Variants in GRID1 observed in about 807,000 individuals in gnomAD.
GRID1 encodes glutamate receptor ionotropic, delta-1.
GRID1 carries 28 observed loss-of-function variants against 98.0 expected under a neutral mutation model. The ratio of observed to expected loss-of-function variants is 0.29; its 90% confidence interval spans 0.21 to 0.39. GRID1 has a LOEUF of 0.39. Ranked by LOEUF, GRID1 falls within the 10% of genes least tolerant of loss-of-function variation. The probability of loss-of-function intolerance (pLI) is 1.00; values close to 1 mark genes in which losing one functional copy is unlikely to be tolerated. For synonymous variants in GRID1, 553 were observed against 538.5 expected (o/e 1.03, Z -0.37); for missense variants, 1,111 against 1,340.5 (o/e 0.83, Z 2.67).
At chr10:85,839,384 T>C (rs1234362753) in intron 8 of GRID1, among the ~76,000 whole-genome samples, 4 of 152,136 alleles carry the variant, frequency 2.6e-5, no homozygotes, top group Non-Finnish European at 5.9e-5. Context: ...GATCACATAA[T>C]CCAAAGTAAA....
At chr10:85,988,981 G>C (rs149361391) in intron 4 of GRID1, among the ~76,000 whole-genome samples, 1 of 152,320 alleles carries the variant, frequency 6.6e-6, no homozygotes, top group African/African-American at 2.4e-5. Flanking sequence ...CAGGGAGCAG[G>C]AGGAAAATGT....
At chr10:86,114,896 A>G (rs1014778591) in intron 4 of GRID1, among the ~76,000 whole-genome samples, 3 of 152,176 alleles carry the variant, frequency 2.0e-5, no homozygotes, top group African/African-American at 7.2e-5. Flanking sequence ...CAGTACAGGT[A>G]CTCTCACAGG....
At chr10:86,294,328 A>G (rs1346287638) in intron 2 of GRID1, among the ~76,000 whole-genome samples, 1 of 152,212 alleles carries the variant, frequency 6.6e-6, no homozygotes, top group African/African-American at 2.4e-5. Context: ...CTTTTCCTCT[A>G]GCGAGATGGG....
chr10:85,735,607 ATCCTTTGGAAGATTGGGCT>A (rs1841871044), intron 8 of GRID1, among the ~76,000 whole-genome samples: 1 of 152,166 alleles, frequency 6.6e-6, no homozygotes, highest in Admixed American at 6.5e-5. Context: ...TGGGACAGGC[ATCCTTTGGAAGATTGGGCT>A]TTGTGTTCTG....
At chr10:86,353,830 A>G (rs971081055) in intron 2 of GRID1, among the ~76,000 whole-genome samples, 1 of 152,234 alleles carries the variant, frequency 6.6e-6, no homozygotes, top group Non-Finnish European at 1.5e-5. Flanking sequence ...CAGGAGGACC[A>G]GCATTGGATG....
At chr10:86,007,802 TTTTTTTG>T (rs376300704) in intron 4 of GRID1, among the ~76,000 whole-genome samples, 3 of 150,306 alleles carry the variant, frequency 2.0e-5, no homozygotes, top group Non-Finnish European at 2.9e-5. Flanking sequence ...TCAGTTTTGT[TTTTTTTG>T]TTTTTTGTGT....
intron 12 of GRID1, among the ~76,000 whole-genome samples, chr10:85,716,997 C>T (rs1841647286): frequency 6.6e-6 from 1 of 151,898 alleles, no homozygotes; most frequent in Admixed American, 6.6e-5. Context: ...TCAAAGAGTA[C>T]AGAATTTCAG....
Position 86,085,054 on chromosome 10 carries a change from T to A in GRID1, c.726+53765A>T, listed in dbSNP as rs548590414. Among the ~76,000 whole-genome samples the A allele has an allele frequency of 9.8e-5, 15 of 152,356 alleles. No individual in the cohort carries two copies. The South Asian group carries it at 2.9e-3, about 29-fold the overall frequency. On this transcript the variant is annotated intron_variant, in intron 4 of 15. Transcript: ENST00000327946. ...ATTTTACCAATACGCATGCAATGTATATTTAAACAAATAAAGAAAGAAGAG... is the reference window on the plus strand; with the variant it reads ...ATTTTACCAATACGCATGCAATGTAAATTTAAACAAATAAAGAAAGAAGAG...
rs1248424749 is a variant in GRID1 at position 85,662,550 on chromosome 10, C to T, written c.1998-15153G>A. Among the ~76,000 whole-genome samples, 3 of 152,332 alleles carry T rather than the reference C, an allele frequency of 2.0e-5. No homozygotes were observed. The East Asian group carries it at 5.8e-4, about 30-fold the overall frequency. Reference sequence around the variant, plus strand: ...CCCCAGCTCCCTCCGTAATACTCCTCCCCACCCACAAGGCCAATGCCAACC... The same window carrying T: ...CCCCAGCTCCCTCCGTAATACTCCTTCCCACCCACAAGGCCAATGCCAACC... On this transcript the variant is annotated intron_variant, in intron 12 of 15. Coordinates refer to ENST00000327946, the MANE Select transcript of GRID1 (RefSeq NM_017551.3).
intron 3 of GRID1, among the ~76,000 whole-genome samples, chr10:86,152,953 G>C (rs1845190625): frequency 6.6e-6 from 1 of 152,200 alleles, no homozygotes; most frequent in Non-Finnish European, 1.5e-5. Flanking sequence ...ATTTACTCGG[G>C]TTTAATTTGT....
chr10:85,654,065 A>G (rs1217026516), intron 12 of GRID1, among the ~76,000 whole-genome samples: 2 of 152,186 alleles, frequency 1.3e-5, no homozygotes, highest in Non-Finnish European at 2.9e-5. Context: ...GTATGAGGAC[A>G]CTTAGTGACC....
At chr10:85,755,779 C>T (rs968641766) in intron 8 of GRID1, among the ~76,000 whole-genome samples, 6 of 152,106 alleles carry the variant, frequency 3.9e-5, no homozygotes, top group Non-Finnish European at 8.8e-5. Context: ...TCCTGGTGAC[C>T]TAGATGGAAA....
At chr10:86,360,721 C>A (rs1413247558) in intron 2 of GRID1, among the ~76,000 whole-genome samples, 3 of 152,238 alleles carry the variant, frequency 2.0e-5, no homozygotes, top group Admixed American at 2.0e-4. Flanking sequence ...CATGTCTCAT[C>A]TCATTTAATC....
intron 4 of GRID1, among the ~76,000 whole-genome samples, chr10:85,991,336 C>A (rs1038278390): frequency 1.3e-5 from 2 of 152,102 alleles, no homozygotes; most frequent in African/African-American, 4.8e-5. Flanking sequence ...GTAGAGAATT[C>A]TTTTTGGGAT....
intron 6 of GRID1, among the ~76,000 whole-genome samples, chr10:85,862,625 G>T (rs973813205): frequency 3.3e-5 from 5 of 152,210 alleles, no homozygotes; most frequent in Non-Finnish European, 7.3e-5. Flanking sequence ...GTGAGCTCTT[G>T]TTGGGGGCTT....
chr10:85,667,609 G>T (rs1233184265), intron 12 of GRID1, among the ~76,000 whole-genome samples: 1 of 152,188 alleles, frequency 6.6e-6, no homozygotes, highest in Non-Finnish European at 1.5e-5. Context: ...AGCACAGGCT[G>T]TCTGGCTCCT....
chr10:86,195,420 A>C lies in GRID1; in HGVS notation c.520+10944T>G, dbSNP rs1441620053. ...TAGCATGACCACAGCCGTCCTTGGCACCTCTTGATTTTCTAATGCAGTTGC... is the reference window on the plus strand; with the variant it reads ...TAGCATGACCACAGCCGTCCTTGGCCCCTCTTGATTTTCTAATGCAGTTGC... On this transcript the variant is annotated intron_variant, in intron 3 of 15. Transcript: ENST00000327946. The surrounding 1 kb of genome is among the most constrained non-coding windows in gnomAD (Gnocchi z 4.4). 6.6e-6 allele frequency among the ~76,000 whole-genome samples: 1 copy of C among 151,970 alleles called. No homozygotes were observed. Among genetic ancestry groups the C allele is most frequent in the Non-Finnish European group, 1.5e-5 (1 of 67,916 alleles).
At chr10:86,125,181 C>T (rs1844734667) in intron 4 of GRID1, among the ~76,000 whole-genome samples, 1 of 152,254 alleles carries the variant, frequency 6.6e-6, no homozygotes, top group South Asian at 2.1e-4. Context: ...AGCACCATGG[C>T]TTCCACGTGA....
chr10:85,891,581 A>G (rs1332707006), intron 5 of GRID1, among the ~76,000 whole-genome samples: 1 of 152,208 alleles, frequency 6.6e-6, no homozygotes, highest in Non-Finnish European at 1.5e-5. Context: ...AACTAGACAT[A>G]CATAACTAAA....
Sources: gnomAD v4.1 joint callset for allele counts (sites outside exome capture counted in the v4.1 genomes callset) on GRCh38, gnomAD v4.1.1 for gene constraint, Gnocchi (gnomAD v3.1) non-coding constraint, MANE v1.5 for transcripts, NCBI Gene and HGNC (gene_info 2026-07-23, HGNC 2026-07-21) for gene names.